The following STAT5A variants were observed in gnomAD, a reference collection of about 807,000 sequenced individuals.
STAT5A encodes signal transducer and activator of transcription 5A, also known as epididymis secretory sperm binding protein.
Under a neutral mutation model 100.2 loss-of-function variants are expected in STAT5A, and 26 were observed. That is an observed-to-expected ratio of 0.26 (90% CI 0.19 to 0.36). STAT5A has a LOEUF of 0.36. Among genes scored for constraint, STAT5A ranks in the 10% least tolerant of loss-of-function variants. The probability of loss-of-function intolerance (pLI) is 1.00; values close to 1 mark genes in which losing one functional copy is unlikely to be tolerated. For missense variants in STAT5A, 634 were observed against 1,027.5 expected, an observed-to-expected ratio of 0.62 and a Z score of 5.24; for synonymous variants, 330 against 424.3, an observed-to-expected ratio of 0.78 and a Z score of 2.73.
chr17:42,303,032 G>A (rs1449535976), intron 9 of STAT5A, among the ~76,000 whole-genome samples: 3 of 151,538 alleles, frequency 2.0e-5, no homozygotes, highest in Non-Finnish European at 2.9e-5. Flanking sequence ...CGGATCATGA[G>A]GTCAGGAGTT....
chr17:42,306,095 C>T lies in STAT5A; in HGVS notation c.1474-146C>T, dbSNP rs1598365515. 7 of 1,412,640 alleles carry T rather than the reference C, an allele frequency of 5.0e-6. No individual in the cohort carries two copies. The African/African-American group carries it at 5.7e-5, about 12-fold the overall frequency. 87.5% of individuals were successfully genotyped at this position (1,412,640 alleles called of 1,614,324 possible). A position where few individuals can be genotyped will look rare whatever the true frequency, so the allele number is the denominator to read the frequency against. ...AAAGTGCAAGCTAGTATATAAAAGC[C>T]GCCGCATTTCCTGCCCTTGCATTTG... On this transcript the variant is annotated intron_variant, in intron 12 of 18. Transcript: ENST00000590949.
At position 42,311,529 on chromosome 17, in the gene STAT5A, C is replaced by G. The variant is rs1598370552; in HGVS notation, c.*860C>G. 6.6e-6 allele frequency: 1 copy of G among 152,430 alleles called. No individual in the cohort carries two copies. The highest frequency in any genetic ancestry group is 2.1e-4 in the South Asian group (1 of 4,828). 9.4% of individuals were successfully genotyped at this position (152,430 alleles called of 1,614,324 possible). ...TTGGGTCTAGGATATGGTGGGTGGA[C>G]AGGGGCCCCGGGACTTGGAGGGTTG... On this transcript the variant is annotated 3_prime_UTR_variant, in exon 19 of 19. Transcript: ENST00000590949.
At chr17:42,310,464 T>C (rs1479285034) in intron 18 of STAT5A, 43 bp from the exon 19 acceptor site, 1 of 1,608,180 alleles carries the variant, frequency 6.2e-7, no homozygotes, top group Admixed American at 1.7e-5. Flanking sequence ...CTTGAGGCTG[T>C]GAGACATGCC....
intron 7 of STAT5A, among the ~76,000 whole-genome samples, 154 bp downstream of exon 7, chr17:42,300,435 T>C (rs113202300): frequency 0.18 from 26,778 of 151,692 alleles, 4,116 homozygotes; most frequent in African/African-American, 0.41. Flanking sequence ...CAGACTTTGG[T>C]CCCCATCCTG....
In STAT5A at chr17:42,310,984, A is replaced by C; in HGVS notation, c.*315A>C. On this transcript the variant is annotated 3_prime_UTR_variant, in exon 19 of 19. Coordinates refer to ENST00000590949, the MANE Select transcript of STAT5A (RefSeq NM_001288718.2). ...CAGACCTATTCCTCCTGGGCCCCTCATCTGCTCAGCAGCTATTTGAATGAG... is the reference window on the plus strand; with the variant it reads ...CAGACCTATTCCTCCTGGGCCCCTCCTCTGCTCAGCAGCTATTTGAATGAG... The C allele has an allele frequency of 2.8e-6, 1 of 356,682 alleles. No individual in the cohort carries two copies. The allele number at this position is 356,682 out of a possible 1,614,324, so 22.1% of individuals were successfully genotyped here.
At chr17:42,299,585 A>C (rs954514968) in intron 5 of STAT5A, among the ~76,000 whole-genome samples, 166 bp from the exon 6 acceptor site, 1 of 152,194 alleles carries the variant, frequency 6.6e-6, no homozygotes, top group South Asian at 2.1e-4. Flanking sequence ...GCGCCTCCTG[A>C]GGCGCCATTC....
chr17:42,305,817 A>T, intron 12 of STAT5A, 115 bp downstream of exon 12: 1 of 1,124,592 alleles, frequency 8.9e-7, no homozygotes, highest in Non-Finnish European at 1.3e-6. Context: ...GGGCCAGCCC[A>T]GAGGTGAGGT....
Position 42,304,800 on chromosome 17 carries a change from C to A in STAT5A, c.1380+148C>A. The A allele has an allele frequency of 2.3e-6, 3 of 1,305,482 alleles. No homozygotes were observed. Among genetic ancestry groups the A allele is most frequent in the Non-Finnish European group, 1.1e-6 (1 of 947,706 alleles). The allele number at this position is 1,305,482 out of a possible 1,614,324, so 80.9% of individuals were successfully genotyped here. A position where few individuals can be genotyped will look rare whatever the true frequency, so the allele number is the denominator to read the frequency against. On this transcript the variant is annotated intron_variant, in intron 11 of 18. Coordinates refer to ENST00000590949, the MANE Select transcript of STAT5A (RefSeq NM_001288718.2). The surrounding 1 kb of genome is among the most constrained non-coding windows in gnomAD (Gnocchi z 4.8). ...TGATAGGTTATAATCTGGGACTAAC[C>A]CAGACAATTTAGGCAATGGGCTAAG...
At position 42,306,922 on chromosome 17, in the gene STAT5A, G is replaced by C. The variant is rs543643019; in HGVS notation, c.1680+475G>C. On this transcript the variant is annotated intron_variant, in intron 13 of 18. Transcript: ENST00000590949. ...TTTAGTAGAGATGGGGTTTCACCAT[G>C]TTGGTCAGGCTGGTCTCGAACTCCT... is the stretch of plus-strand genomic sequence containing the variant. Among the ~76,000 whole-genome samples, 3 of 152,178 alleles carry C rather than the reference G, an allele frequency of 2.0e-5. No homozygotes were observed. The East Asian group carries it at 5.8e-4, about 29-fold the overall frequency.
chr17:42,299,470 CAGGCGGGCAGG>C lies in STAT5A; in HGVS notation c.551-276_551-266del, dbSNP rs2080953339. 2.0e-5 allele frequency among the ~76,000 whole-genome samples: 3 copies of C among 152,224 alleles called. No individual in the cohort carries two copies. In the South Asian group the frequency reaches 6.2e-4, roughly 32 times the overall value. On this transcript the variant is annotated intron_variant, in intron 5 of 18. Coordinates refer to ENST00000590949, the MANE Select transcript of STAT5A (RefSeq NM_001288718.2). ...GAAGAGGGCTGGCAGCCCTGTGAGG[CAGGCGGGCAGG>C]AGGCAGGCAGGCCTCCTCCCCAGCT...
At chr17:42,309,334 C>T (rs192742898) in intron 17 of STAT5A, 43 bp from the exon 18 acceptor site, 16,669 of 1,606,872 alleles carry the variant, frequency 0.01, 114 homozygotes, top group Middle Eastern at 0.024. Context: ...TCAGCTGCCC[C>T]GGCCTCCCTG....
intron 18 of STAT5A, 128 bp from the exon 19 acceptor site, chr17:42,310,379 C>A: frequency 2.0e-6 from 2 of 999,158 alleles, no homozygotes; most frequent in South Asian, 1.5e-5. Flanking sequence ...GGGGTGGGGG[C>A]ATCCAGCCAG....
In STAT5A at chr17:42,289,474, G is replaced by C. The variant is rs1448633096; in HGVS notation, c.63G>C (p.Leu21=). The C allele has an allele frequency of 6.2e-7, 1 of 1,613,060 alleles. No homozygotes were observed. The highest frequency in any genetic ancestry group is 1.3e-5 in the African/African-American group (1 of 74,942). Residue 21 remains leucine (L), a synonymous_variant, in exon 2 of 19, where the codon CTG becomes CTC. Transcript: ENST00000590949. ...ACGCGCTGCGCCAGATGCAGGTGCT[G>C]TACGGCCAGCACTTCCCCATCGAGG... ...QGDALRQMQV[L]YGQHFPIEVR...
intron 4 of STAT5A, among the ~76,000 whole-genome samples, chr17:42,292,453 C>T (rs1598354649): frequency 1.3e-5 from 2 of 152,010 alleles, no homozygotes; most frequent in African/African-American, 4.8e-5. Context: ...CTCAGCCTCC[C>T]GAGTAGCTGG....
chr17:42,295,008 C>G (rs1349006919), intron 4 of STAT5A, among the ~76,000 whole-genome samples: 1 of 152,064 alleles, frequency 6.6e-6, no homozygotes, highest in Non-Finnish European at 1.5e-5. Flanking sequence ...AGCGATTCTC[C>G]TGAATGTGCT....
At position 42,295,801 on chromosome 17, in the gene STAT5A, G is replaced by A. The variant is rs753040938; in HGVS notation, c.550+8G>A. On this transcript the variant is annotated splice_region_variant and intron_variant, in intron 5 of 18. Transcript: ENST00000590949. ...AGAGCCTGAGGATCCAAGGTGAGGC[G>A]CGGTGGAGGCAGTGTGCATCCGGAG... is the stretch of plus-strand genomic sequence containing the variant. 33 of 1,613,478 alleles carry A rather than the reference G, an allele frequency of 2.0e-5. No individual in the cohort carries two copies. The highest frequency in any genetic ancestry group is 8.9e-5 in the East Asian group (4 of 44,888).
chr17:42,301,451 G>T lies in STAT5A; in HGVS notation c.1166G>T (p.Arg389Leu), dbSNP rs2230134. The change falls in exon 9 of 19, where the codon CGC (arginine) becomes CTC (leucine). Residue 389 changes from arginine to leucine, a missense_variant. Around this residue, in one of 5 missense-constraint regions of STAT5A, gnomAD observed 98 missense variants for 149.7 expected, o/e 0.65. Coordinates refer to ENST00000590949, the MANE Select transcript of STAT5A (RefSeq NM_001288718.2). ...AKSLLKNENT[R>L]NECSGEILNN... ...TCTCTGCTTAAAAATGAGAACACCC[G>T]CAAGTAATTGTGCCTCTCCCTTCCC... 1 of 1,614,062 alleles carries T rather than the reference G, an allele frequency of 6.2e-7. No individual in the cohort carries two copies. The highest frequency in any genetic ancestry group is 1.1e-5 in the South Asian group (1 of 91,072).
At chr17:42,289,225 G>C in intron 1 of STAT5A, 177 bp from the exon 2 acceptor site, 1 of 602,780 alleles carries the variant, frequency 1.7e-6, no homozygotes, top group Non-Finnish European at 2.6e-6. Context: ...TTGTTGGAGG[G>C]GATGGGCGGC....
rs1204524844 is a variant in STAT5A, at chr17:42,288,776, CG to C, written c.-11+182del. Among the ~76,000 whole-genome samples, 2 of 152,072 alleles carry C rather than the reference CG, an allele frequency of 1.3e-5. No homozygotes were observed. The highest frequency in any genetic ancestry group is 2.9e-5 in the Non-Finnish European group (2 of 67,990). ...GACGGGGGGACGTGGGGACAGGGGT[CG>C]GGGATGAAAGGCAGAGGCCAGGGAG... On this transcript the variant is annotated intron_variant, in intron 1 of 18. Transcript: ENST00000590949. This position sits in a 1 kb window ranked among gnomAD's most constrained non-coding sequence, Gnocchi z 4.8.
Sources: allele counts gnomAD v4.1 joint callset (sites outside exome capture counted in the v4.1 genomes callset), GRCh38; gene constraint gnomAD v4.1.1; regional missense constraint gnomAD v4.1.1; non-coding constraint Gnocchi (gnomAD v3.1); transcripts MANE v1.5; gene names NCBI Gene and HGNC (gene_info 2026-07-23, HGNC 2026-07-21).